Variants in SPATS1 observed in about 807,000 individuals in gnomAD.
The protein encoded by SPATS1 is spermatogenesis-associated serine-rich protein 1.
SPATS1 carries 23 observed loss-of-function variants against 33.6 expected under a neutral mutation model. The observed-to-expected ratio is 0.68, with a 90% CI of 0.49 to 0.97. The LOEUF (loss-of-function observed/expected upper bound fraction) is 0.97. Ranked by LOEUF, SPATS1 falls within the 50% of genes least tolerant of loss-of-function variation. SPATS1 has a pLI of 0.00. For synonymous variants in SPATS1, 131 were observed against 125.6 expected, an observed-to-expected ratio of 1.04 and a Z score of -0.29; for missense variants, 327 against 361.0, an observed-to-expected ratio of 0.91 and a Z score of 0.76.
intron 2 of SPATS1, chr6:44,343,589 C>T (rs1787697813): frequency 4.5e-6 from 2 of 446,290 alleles, no homozygotes; most frequent in African/African-American, 4.0e-5. Flanking sequence ...ATGAGTCTGC[C>T]ATACTTTCGA....
At chr6:44,373,493 T>A (rs552797988) in intron 7 of SPATS1, among the ~76,000 whole-genome samples, 1 of 152,390 alleles carries the variant, frequency 6.6e-6, no homozygotes, top group African/African-American at 2.4e-5. Flanking sequence ...ATCTATCATC[T>A]ATTAATAAAA....
At chr6:44,353,401 TAG>T (rs1229008780) in intron 3 of SPATS1, among the ~76,000 whole-genome samples, 3 of 152,192 alleles carry the variant, frequency 2.0e-5, no homozygotes, top group Non-Finnish European at 4.4e-5. Context: ...TTTGTTTGGA[TAG>T]AGACAGGGGT....
chr6:44,376,446 C>T lies in SPATS1; in HGVS notation c.847C>T (p.Pro283Ser). ...GCTTGACAACTGGCAGCCAGCAGTGCCCTTAATGCACATGCTACACCTTTC... is the reference window on the plus strand; with the variant it reads ...GCTTGACAACTGGCAGCCAGCAGTGTCCTTAATGCACATGCTACACCTTTC... ...EELDNWQPAV[P>S]LMHMLHLSGA... The change falls in exon 8 of 9, where the codon CCC (proline) becomes TCC (serine). Residue 283 changes from proline (P) to serine (S), a missense_variant. Coordinates refer to ENST00000674044, the MANE Select transcript of SPATS1 (RefSeq NM_001372081.1). 2 of 1,610,856 alleles carry T rather than the reference C, an allele frequency of 1.2e-6. No homozygotes were observed. Among genetic ancestry groups the T allele is most frequent in the East Asian group, 2.2e-5 (1 of 44,858 alleles).
chr6:44,366,158 C>T (rs1245776495), intron 5 of SPATS1, among the ~76,000 whole-genome samples: 1 of 146,698 alleles, frequency 6.8e-6, no homozygotes, highest in African/African-American at 2.5e-5. Context: ...GAGTTTCGCT[C>T]TTGTTGCCCA....
chr6:44,349,407 G>GA (rs1788103378), intron 2 of SPATS1, among the ~76,000 whole-genome samples: 2 of 151,842 alleles, frequency 1.3e-5, no homozygotes, highest in African/African-American at 4.8e-5. Context: ...AGTTGAAAGT[G>GA]GTTTAGTAGT....
At chr6:44,353,324 G>C (rs941291996) in intron 3 of SPATS1, among the ~76,000 whole-genome samples, 1 of 152,170 alleles carries the variant, frequency 6.6e-6, no homozygotes, top group South Asian at 2.1e-4. Context: ...TACTTTTCCC[G>C]GAAAGGGACC....
chr6:44,347,175 G>A (rs2153364905), intron 2 of SPATS1, among the ~76,000 whole-genome samples: 1 of 152,262 alleles, frequency 6.6e-6, no homozygotes, highest in South Asian at 2.1e-4. Flanking sequence ...GTTGAACAAT[G>A]AGAACACATG....
At chr6:44,347,583 A>G (rs771106443) in intron 2 of SPATS1, among the ~76,000 whole-genome samples, 1 of 152,130 alleles carries the variant, frequency 6.6e-6, no homozygotes, top group East Asian at 1.9e-4. Context: ...ATAAACTTTC[A>G]CTTACTTTTT....
intron 3 of SPATS1, among the ~76,000 whole-genome samples, chr6:44,357,169 A>G (rs1788640470): frequency 6.6e-6 from 1 of 152,068 alleles, no homozygotes; most frequent in Non-Finnish European, 1.5e-5. Flanking sequence ...TGCCACAACC[A>G]CATCAAATTT....
chr6:44,355,872 G>A (rs1788562809), intron 3 of SPATS1, among the ~76,000 whole-genome samples: 1 of 152,164 alleles, frequency 6.6e-6, no homozygotes, highest in Admixed American at 6.5e-5. Context: ...GGAATGTGAG[G>A]TTCACATCCT....
chr6:44,364,946 C>T (rs1789156994), intron 5 of SPATS1, among the ~76,000 whole-genome samples: 1 of 152,126 alleles, frequency 6.6e-6, no homozygotes, highest in Non-Finnish European at 1.5e-5. Context: ...TGTGCCACCA[C>T]TGCCGGCTAA....
At chr6:44,346,776 A>G (rs1787913285) in intron 2 of SPATS1, among the ~76,000 whole-genome samples, 1 of 152,186 alleles carries the variant, frequency 6.6e-6, no homozygotes, top group Admixed American at 6.5e-5. Context: ...TAAAAGCTCA[A>G]GGAGTGTAAA....
rs1788308984 is a variant in SPATS1, at chr6:44,352,641, A to T, written c.140-85A>T. ...TGTTCAATAAATGTTAGCTGTTTTA[A>T]AAATTTATTTATAATCTAGGAAACA... On this transcript the variant is annotated intron_variant, in intron 2 of 8. Coordinates refer to ENST00000674044, the MANE Select transcript of SPATS1 (RefSeq NM_001372081.1). 3.8e-6 allele frequency: 5 copies of T among 1,312,010 alleles called. No individual in the cohort carries two copies. The South Asian group carries it at 6.4e-5, about 17-fold the overall frequency. 81.3% of individuals were successfully genotyped at this position (1,312,010 alleles called of 1,614,324 possible). A position where few individuals can be genotyped will look rare whatever the true frequency, so the allele number is the denominator to read the frequency against.
At chr6:44,369,699 C>G (rs912202490) in intron 6 of SPATS1, among the ~76,000 whole-genome samples, 2 of 151,850 alleles carry the variant, frequency 1.3e-5, no homozygotes, top group Middle Eastern at 3.2e-3. Context: ...TGGAGAAACC[C>G]CTTCTCTACA....
At chr6:44,346,778 G>A (rs938282826) in intron 2 of SPATS1, among the ~76,000 whole-genome samples, 10 of 152,090 alleles carry the variant, frequency 6.6e-5, no homozygotes, top group African/African-American at 1.9e-4. Flanking sequence ...AAAGCTCAAG[G>A]AGTGTAAATT....
intron 5 of SPATS1, among the ~76,000 whole-genome samples, chr6:44,364,953 C>A (rs1229558695): frequency 6.6e-6 from 1 of 152,076 alleles, no homozygotes; most frequent in Admixed American, 6.6e-5. Flanking sequence ...CCACTGCCGG[C>A]TAATTCTTGT....
At chr6:44,353,645 A>G (rs1426281759) in intron 3 of SPATS1, among the ~76,000 whole-genome samples, 1 of 152,226 alleles carries the variant, frequency 6.6e-6, no homozygotes, top group Non-Finnish European at 1.5e-5. Context: ...TTTCTTTTAC[A>G]ATAAAAAGTT....
At chr6:44,364,068 A>G (rs1215852223) in intron 5 of SPATS1, among the ~76,000 whole-genome samples, 9 of 152,156 alleles carry the variant, frequency 5.9e-5, no homozygotes, top group Admixed American at 5.9e-4. Flanking sequence ...AATAATGATC[A>G]ACACCTGGCT....
At chr6:44,371,499 T>C (rs929150571) in intron 7 of SPATS1, among the ~76,000 whole-genome samples, 1 of 152,198 alleles carries the variant, frequency 6.6e-6, no homozygotes, top group East Asian at 1.9e-4. Flanking sequence ...ATTCTCTATT[T>C]TGTTCTGTAG....
Sources: gnomAD v4.1 joint callset for allele counts (sites outside exome capture counted in the v4.1 genomes callset) on GRCh38, gnomAD v4.1.1 for gene constraint, MANE v1.5 for transcripts, NCBI Gene and HGNC (gene_info 2026-07-23, HGNC 2026-07-21) for gene names.